Variants in PTPRD observed in about 807,000 individuals in gnomAD.
PTPRD encodes the protein receptor-type tyrosine-protein phosphatase delta.
PTPRD carries 34 observed loss-of-function variants against 214.5 expected under a neutral mutation model. The observed-to-expected ratio is 0.16, with a 90% CI of 0.12 to 0.21. The LOEUF is 0.21. Ranked by LOEUF, PTPRD falls within the 10% of genes least tolerant of loss-of-function variation. The probability of loss-of-function intolerance (pLI) is 1.00; values close to 1 mark genes in which losing one functional copy is unlikely to be tolerated. For missense variants in PTPRD, 2,545 were observed against 2,398.7 expected (o/e 1.06, Z -1.27); for synonymous variants, 1,128 against 845.7 (o/e 1.33, Z -5.79).
intron 8 of PTPRD, among the ~76,000 whole-genome samples, chr9:9,436,444 C>G (rs73401081): frequency 0.39 from 59,380 of 151,852 alleles, 12,085 homozygotes; most frequent in Middle Eastern, 0.56. Flanking sequence ...TTAACACTGA[C>G]TGATTAGATA....
chr9:8,981,176 C>G (rs934986475), intron 11 of PTPRD, among the ~76,000 whole-genome samples: 1 of 151,880 alleles, frequency 6.6e-6, no homozygotes, highest in African/African-American at 2.4e-5. Flanking sequence ...GTATTTTGTT[C>G]TTCAATGAAA....
intron 4 of PTPRD, among the ~76,000 whole-genome samples, chr9:9,954,308 A>ACAAAAAC (rs2093714263): frequency 2.1e-5 from 3 of 140,030 alleles, no homozygotes; most frequent in Admixed American, 1.4e-4. Flanking sequence ...AAAAAAAAAA[A>ACAAAAAC]AAAAAAAAAA....
intron 3 of PTPRD, among the ~76,000 whole-genome samples, chr9:10,103,395 T>TATACATATATATATATATATATATATA (rs34926923): frequency 8.6e-6 from 1 of 116,698 alleles, no homozygotes; most frequent in Non-Finnish European, 1.8e-5. Flanking sequence ...ATATATATAT[T>TATACATATATATATATATATATATATA]TATTTAAGAG....
intron 11 of PTPRD, among the ~76,000 whole-genome samples, chr9:8,735,080 T>G (rs941235000): frequency 6.6e-6 from 1 of 151,834 alleles, no homozygotes; most frequent in Non-Finnish European, 1.5e-5. Context: ...CCATCAGAGT[T>G]CGTGGGTCAG....
chr9:10,544,147 T>C (rs1183509854), intron 2 of PTPRD, among the ~76,000 whole-genome samples: 1 of 152,150 alleles, frequency 6.6e-6, no homozygotes, highest in Admixed American at 6.6e-5. Flanking sequence ...TTTCTACATA[T>C]TTATATACTT....
chr9:8,593,923 A>T (rs1033086127), intron 14 of PTPRD, among the ~76,000 whole-genome samples: 5 of 152,148 alleles, frequency 3.3e-5, no homozygotes, highest in Admixed American at 6.5e-5. Flanking sequence ...GGCCCTGGGA[A>T]CCTAGTGAGG....
intron 3 of PTPRD, among the ~76,000 whole-genome samples, chr9:10,051,705 A>C (rs1232298380): frequency 6.6e-6 from 1 of 151,958 alleles, no homozygotes; most frequent in Non-Finnish European, 1.5e-5. Flanking sequence ...TCTTATGTCA[A>C]GGAATGGTGT....
At chr9:8,636,150 C>T (rs940891498) in intron 13 of PTPRD, among the ~76,000 whole-genome samples, 1 of 152,216 alleles carries the variant, frequency 6.6e-6, no homozygotes, top group African/African-American at 2.4e-5. Flanking sequence ...TGCTGCTTAG[C>T]ATCCATTCCC....
intron 2 of PTPRD, among the ~76,000 whole-genome samples, chr9:10,425,934 A>T (rs558863552): frequency 2.6e-5 from 4 of 152,126 alleles, no homozygotes; most frequent in African/African-American, 9.6e-5. Context: ...TGTAGATCGT[A>T]TATAGACAAT....
At chr9:10,514,110 C>T (rs1212280863) in intron 2 of PTPRD, among the ~76,000 whole-genome samples, 1 of 151,998 alleles carries the variant, frequency 6.6e-6, no homozygotes, top group Non-Finnish European at 1.5e-5. Flanking sequence ...TCATATGGAA[C>T]AAGTGAGTAA....
At chr9:8,693,262 G>A (rs903580501) in intron 12 of PTPRD, among the ~76,000 whole-genome samples, 1 of 152,132 alleles carries the variant, frequency 6.6e-6, no homozygotes, top group African/African-American at 2.4e-5. Context: ...TTACTCAGTT[G>A]AGTAGTGGAA....
chr9:9,655,961 C>T (rs184661685), intron 7 of PTPRD, among the ~76,000 whole-genome samples: 1 of 151,906 alleles, frequency 6.6e-6, no homozygotes, highest in African/African-American at 2.4e-5. Context: ...GGGGGCAACA[C>T]AGTGAGACTC....
Position 9,369,023 on chromosome 9 carries a change from G to C in PTPRD, c.-203+28426C>G, listed in dbSNP as rs150322794. On this transcript the variant is annotated intron_variant, in intron 9 of 45. Coordinates refer to ENST00000381196, the MANE Select transcript of PTPRD (RefSeq NM_002839.4). ...GAGAACATGCGGTGTTTGGTTTCTT[G>C]TCCTTGCGATAGTTTGCTGAGAATG... 1.5e-3 allele frequency among the ~76,000 whole-genome samples: 233 copies of C among 151,944 alleles called. 1 individual carries two copies. The highest frequency in any genetic ancestry group is 5.4e-3 in the African/African-American group (224 of 41,462).
chr9:9,074,299 G>C (rs867152966), intron 10 of PTPRD, among the ~76,000 whole-genome samples: 43 of 152,168 alleles, frequency 2.8e-4, no homozygotes, highest in African/African-American at 8.9e-4. Flanking sequence ...AAGAGATAAG[G>C]AGTAGCACAG....
intron 2 of PTPRD, among the ~76,000 whole-genome samples, chr9:10,470,186 T>C (rs1216787246): frequency 1.3e-5 from 2 of 152,110 alleles, no homozygotes; most frequent in Admixed American, 6.6e-5. Context: ...CCACATTTGA[T>C]CATTAAACAT....
chr9:8,820,852 G>A (rs1378031919), intron 11 of PTPRD, among the ~76,000 whole-genome samples: 1 of 148,356 alleles, frequency 6.7e-6, no homozygotes, highest in Non-Finnish European at 1.5e-5. Context: ...GCTTAATGGT[G>A]AAAGTTCTTT....
intron 2 of PTPRD, among the ~76,000 whole-genome samples, chr9:10,596,422 G>T (rs1177834469): frequency 1.3e-5 from 2 of 151,684 alleles, no homozygotes; most frequent in Middle Eastern, 3.4e-3. Context: ...ACTAGATTAA[G>T]CCTTTATAGT....
intron 11 of PTPRD, among the ~76,000 whole-genome samples, chr9:8,934,434 TA>T: frequency 3.7e-5 from 2 of 53,976 alleles, no homozygotes; most frequent in South Asian, 9.6e-4. Flanking sequence ...TATATATATA[TA>T]AATATATATA....
intron 5 of PTPRD, among the ~76,000 whole-genome samples, chr9:9,927,116 C>A (rs905769666): frequency 1.3e-5 from 2 of 152,060 alleles, no homozygotes. Flanking sequence ...TTTGTAATAA[C>A]CATTATATAC....
Sources: allele counts gnomAD v4.1 joint callset (sites outside exome capture counted in the v4.1 genomes callset), GRCh38; gene constraint gnomAD v4.1.1; transcripts MANE v1.5; gene names NCBI Gene and HGNC (gene_info 2026-07-23, HGNC 2026-07-21).